TSR2: variants seen among roughly 807,000 people sequenced by gnomAD.
TSR2 encodes the protein TSR2 ribosome maturation factor.
TSR2 carries 1 observed loss-of-function variant against 13.3 expected under a neutral mutation model. The ratio of observed to expected loss-of-function variants is 0.08; its 90% CI spans 0.03 to 0.36. The LOEUF (loss-of-function observed/expected upper bound fraction) is 0.36. TSR2 is among the 10% of genes least tolerant of loss of function. The pLI is 0.99. For synonymous variants in TSR2, 60 were observed against 57.7 expected, an observed-to-expected ratio of 1.04 and a Z score of -0.18; for missense variants, 120 against 151.1, an observed-to-expected ratio of 0.79 and a Z score of 1.08.
At position 54,445,098 on chromosome X, in the gene TSR2, C is replaced by T. The variant is rs1922087598; in HGVS notation, c.*548C>T. The stretch of plus-strand genomic sequence containing the variant: ...ACCCCTGCCCAGAACTTGGAACCTC[C>T]CAGGAATGCTGCCTTCCTTCAGCCC... On this transcript the variant is annotated 3_prime_UTR_variant, in exon 5 of 5. Coordinates refer to ENST00000375151, the MANE Select transcript of TSR2 (RefSeq NM_058163.3). 1.8e-5 allele frequency: 2 copies of T among 111,130 alleles called. No homozygotes were observed. The highest frequency in any genetic ancestry group is 6.6e-5 in the African/African-American group (2 of 30,501). 9.2% of individuals were successfully genotyped at this position (111,130 alleles called of 1,213,427 possible). A position where few individuals can be genotyped will look rare whatever the true frequency, so the allele number is the denominator to read the frequency against.
Position 54,446,939 on chromosome X carries a change from G to A in TSR2, c.*2389G>A, listed in dbSNP as rs1329481591. On this transcript the variant is annotated 3_prime_UTR_variant, in exon 5 of 5. Transcript: ENST00000375151. The stretch of plus-strand genomic sequence containing the variant: ...GGGTTTCACCATGTTGGCCAGGCTG[G>A]TCTTGAACTCCTGATCTCAGGTGAG... Among the ~76,000 whole-genome samples, 2 of 110,225 alleles carry A rather than the reference G, an allele frequency of 1.8e-5. No homozygotes were observed. Among genetic ancestry groups the A allele is most frequent in the Non-Finnish European group, 3.8e-5 (2 of 52,828 alleles).
At chrX:54,440,562 G>A (rs1921889752) in intron 1 of TSR2, 60 bp downstream of exon 1, 1 of 1,124,877 alleles carries the variant, frequency 8.9e-7, no homozygotes, top group Non-Finnish European at 1.2e-6. Flanking sequence ...AACAGGAGTT[G>A]GTTGGGCTAG....
chrX:54,441,842 A>G (rs763405315), intron 2 of TSR2, among the ~76,000 whole-genome samples: 1 of 111,660 alleles, frequency 9.0e-6, no homozygotes, highest in Non-Finnish European at 1.9e-5. Flanking sequence ...CATTTAGGCC[A>G]GTGTTTGCCA....
chrX:54,442,371 A>G (rs1921967151), intron 2 of TSR2, among the ~76,000 whole-genome samples: 1 of 111,239 alleles, frequency 9.0e-6, no homozygotes, highest in South Asian at 3.9e-4. Context: ...TGATGGGTGG[A>G]TTAGGTGTCT....
rs766777423 is a variant in TSR2, at chrX:54,446,214, C to T, written c.*1664C>T. ...CCCTGTCCTCAGACAGTGTGGGCCC[C>T]GGGCAGAACGTGTCCCCTCGGCCCG... On this transcript the variant is annotated 3_prime_UTR_variant, in exon 5 of 5. Transcript: ENST00000375151. 2.8e-5 allele frequency: 34 copies of T among 1,210,274 alleles called. No homozygotes were observed. Among genetic ancestry groups the T allele is most frequent in the Admixed American group, 6.5e-5 (3 of 45,892 alleles).
In TSR2 at chrX:54,443,431, C is replaced by T; in HGVS notation, c.204C>T (p.Phe68=). The part of the protein sequence containing the change: ...ADLELDEVED[F]LGELLTNEFD... Reference sequence around the variant, plus strand: ...TGGAGCTAGATGAGGTGGAAGACTTCCTTGGAGAGCTGTTGACCAACGAGT... The same window carrying T: ...TGGAGCTAGATGAGGTGGAAGACTTTCTTGGAGAGCTGTTGACCAACGAGT... The change falls in exon 3 of 5, where the codon TTC becomes TTT. Residue 68 remains phenylalanine, a synonymous_variant. Transcript: ENST00000375151. The T allele has an allele frequency of 8.3e-7, 1 of 1,207,621 alleles. No homozygotes were observed. Among genetic ancestry groups the T allele is most frequent in the Non-Finnish European group, 1.1e-6 (1 of 893,881 alleles).
chrX:54,446,080 G>A lies in TSR2; in HGVS notation c.*1530G>A, dbSNP rs1014686911. ...CAGACATGGGCAACTAGAGTGTGGG[G>A]TGGGGGCTCCCAGTTTGTCCCAAAC... is the stretch of plus-strand genomic sequence containing the variant. On this transcript the variant is annotated 3_prime_UTR_variant, in exon 5 of 5. Coordinates refer to ENST00000375151, the MANE Select transcript of TSR2 (RefSeq NM_058163.3). 8 of 1,153,419 alleles carry A rather than the reference G, an allele frequency of 6.9e-6. No individual in the cohort carries two copies. The highest frequency in any genetic ancestry group is 1.8e-5 in the African/African-American group (1 of 55,603).
At position 54,448,014 on chromosome X, in the gene TSR2, A is replaced by G. The variant is rs1192749401; in HGVS notation, c.*3464A>G. Among the ~76,000 whole-genome samples the G allele has an allele frequency of 9.0e-6, 1 of 111,435 alleles. No individual in the cohort carries two copies. The highest frequency in any genetic ancestry group is 3.3e-5 in the African/African-American group (1 of 30,628). On this transcript the variant is annotated 3_prime_UTR_variant, in exon 5 of 5. Transcript: ENST00000375151. Reference sequence around the variant, plus strand: ...TCTTTTAAGTGTTAAATAAATACCTAGATTTGTTTTTAAAAAAATCTCCAA... The same window carrying G: ...TCTTTTAAGTGTTAAATAAATACCTGGATTTGTTTTTAAAAAAATCTCCAA...
At position 54,440,751 on chromosome X, in the gene TSR2, G is replaced by C. The variant is rs773655172; in HGVS notation, c.143G>C (p.Gly48Ala). The change falls in exon 2 of 5, where the codon GGT becomes GCT. Residue 48 changes from glycine (G) to alanine (A), a missense_variant. By Grantham distance (60) the Gly-to-Ala change is moderately conservative (BLOSUM62 0). This residue lies in a region of TSR2 where 53 missense variants were observed against 52.3 expected (regional missense o/e 1.01). Transcript: ENST00000375151. ...CAGGAGAAGGCCAAGTGGCTGGGGG[G>C]TGCAGTGGAGGATTACTTCATGCGC... ...HSQEKAKWLG[G>A]AVEDYFMRNA... The C allele has an allele frequency of 1.2e-5, 14 of 1,204,041 alleles. No homozygotes were observed. The highest frequency in any genetic ancestry group is 2.3e-4 in the Middle Eastern group (1 of 4,298).
chrX:54,443,466 T>C lies in TSR2; in HGVS notation c.239T>C (p.Val80Ala), dbSNP rs1019714497. 3.3e-6 allele frequency: 4 copies of C among 1,205,550 alleles called. No individual in the cohort carries two copies. The highest frequency in any genetic ancestry group is 4.5e-6 in the Non-Finnish European group (4 of 892,677). ...GELLTNEFDT[V>A]VEDGSLPQVS... ...CTGTTGACCAACGAGTTTGATACAGTTGTGGAAGACGGGAGTCTGCCCCAG... is the reference window on the plus strand; with the variant it reads ...CTGTTGACCAACGAGTTTGATACAGCTGTGGAAGACGGGAGTCTGCCCCAG... Residue 80 changes from valine (V) to alanine (A), a missense_variant, in exon 3 of 5, where the codon GTT becomes GCT. By Grantham distance (64) the Val-to-Ala change is moderately conservative. Transcript: ENST00000375151.
rs1471700425 is a variant in TSR2, at chrX:54,446,998, A to G, written c.*2448A>G. Among the ~76,000 whole-genome samples the G allele has an allele frequency of 9.0e-6, 1 of 111,283 alleles. No homozygotes were observed. Among genetic ancestry groups the G allele is most frequent in the East Asian group, 2.8e-4 (1 of 3,539 alleles). On this transcript the variant is annotated 3_prime_UTR_variant, in exon 5 of 5. Transcript: ENST00000375151. ...CTCGGCCTCTCAGAGTGCTGGGATT[A>G]CAGGCGTGAGCCACTGCGCTCGGTC...
rs1922108374 is a variant in TSR2, at chrX:54,445,461, A to G, written c.*911A>G. 1 of 109,144 alleles carries G rather than the reference A, an allele frequency of 9.2e-6. No homozygotes were observed. The highest frequency in any genetic ancestry group is 3.4e-5 in the African/African-American group (1 of 29,424). The allele number at this position is 109,144 out of a possible 1,213,427, so 9.0% of individuals were successfully genotyped here. A position where few individuals can be genotyped will look rare whatever the true frequency, so the allele number is the denominator to read the frequency against. On this transcript the variant is annotated 3_prime_UTR_variant, in exon 5 of 5. Transcript: ENST00000375151. ...ACAGCAGTGCTATGAAAGTTACTGT[A>G]AGCCTGAAATAAACTGTATTTTTCT...
At position 54,446,216 on chromosome X, in the gene TSR2, G is replaced by A. The variant is rs1240103714; in HGVS notation, c.*1666G>A. The A allele has an allele frequency of 5.8e-6, 7 of 1,210,424 alleles. No homozygotes were observed. In the African/African-American group the frequency reaches 1.2e-4, roughly 21 times the overall value. On this transcript the variant is annotated 3_prime_UTR_variant, in exon 5 of 5. Transcript: ENST00000375151. ...CTGTCCTCAGACAGTGTGGGCCCCG[G>A]GCAGAACGTGTCCCCTCGGCCCGCC...
chrX:54,441,104 A>G (rs891040003), intron 2 of TSR2, among the ~76,000 whole-genome samples: 1 of 112,460 alleles, frequency 8.9e-6, no homozygotes, highest in Non-Finnish European at 1.9e-5. Context: ...ATTTTTTAGT[A>G]GCCACTTTAA....
chrX:54,444,658 C>T lies in TSR2; in HGVS notation c.*108C>T. The stretch of plus-strand genomic sequence containing the variant: ...GACCTGTGGACTGGTTACCCCATCT[C>T]CACCCTCTCCCCTGTTCCTCTGTCT... On this transcript the variant is annotated 3_prime_UTR_variant, in exon 5 of 5. Transcript: ENST00000375151. 1.3e-6 allele frequency: 1 copy of T among 798,721 alleles called. No individual in the cohort carries two copies. The highest frequency in any genetic ancestry group is 1.8e-6 in the Non-Finnish European group (1 of 568,089). 65.8% of individuals were successfully genotyped at this position (798,721 alleles called of 1,213,427 possible).
In TSR2 at chrX:54,446,463, C is replaced by T. The variant is rs1015120087; in HGVS notation, c.*1913C>T. 2.7e-6 allele frequency: 3 copies of T among 1,124,801 alleles called. No individual in the cohort carries two copies. Among genetic ancestry groups the T allele is most frequent in the Non-Finnish European group, 3.6e-6 (3 of 828,922 alleles). 92.7% of individuals were successfully genotyped at this position (1,124,801 alleles called of 1,213,427 possible). A position where few individuals can be genotyped will look rare whatever the true frequency, so the allele number is the denominator to read the frequency against. ...GGGGCCACCTTGGGGCTAGACCTTT[C>T]CCCCGCCCCAGCTTCTAACTGGTTT... On this transcript the variant is annotated 3_prime_UTR_variant, in exon 5 of 5. Transcript: ENST00000375151.
In TSR2 at chrX:54,440,469, C is replaced by G. The variant is rs746630989; in HGVS notation, c.48C>G (p.Val16=). 20 of 1,130,069 alleles carry G rather than the reference C, an allele frequency of 1.8e-5. No homozygotes were observed. The East Asian group carries it at 6.5e-4, about 37-fold the overall frequency. 93.1% of individuals were successfully genotyped at this position (1,130,069 alleles called of 1,213,427 possible). The change falls in exon 1 of 5, where the codon GTC becomes GTG. Residue 16 remains valine, a synonymous_variant. Transcript: ENST00000375151. The part of the protein sequence containing the change: ...EDARALFRAG[V]CAALEAWPAL... ...CGCGAGCTCTTTTCCGGGCTGGGGT[C>G]TGCGCGGCCCTGGAGGCCTGGCCGG... is the stretch of plus-strand genomic sequence containing the variant.
chrX:54,443,892 A>C, intron 3 of TSR2, 116 bp from the exon 4 acceptor site: 1 of 1,043,835 alleles, frequency 9.6e-7, no homozygotes, highest in Non-Finnish European at 1.3e-6. Flanking sequence ...TGGGGAGGAA[A>C]GAGCTCTGTT....
intron 2 of TSR2, among the ~76,000 whole-genome samples, chrX:54,441,124 AAGC>A (rs1373439074): frequency 8.9e-6 from 1 of 112,589 alleles, no homozygotes; most frequent in Non-Finnish European, 1.9e-5. Flanking sequence ...ATAAAGCAAA[AAGC>A]AGATGAAATC....
Sources: gnomAD v4.1 joint callset for allele counts (sites outside exome capture counted in the v4.1 genomes callset) on GRCh38, gnomAD v4.1.1 for gene constraint, gnomAD v4.1.1 regional missense constraint, MANE v1.5 for transcripts, NCBI Gene and HGNC (gene_info 2026-07-23, HGNC 2026-07-21) for gene names.